Variants in ZSWIM4 observed in about 807,000 individuals in gnomAD.
The protein encoded by ZSWIM4 is zinc finger SWIM domain-containing protein 4.
ZSWIM4 carries 62 observed loss-of-function variants against 102.5 expected under a neutral mutation model. The ratio of observed to expected loss-of-function variants is 0.60; its 90% CI spans 0.49 to 0.75. The LOEUF (loss-of-function observed/expected upper bound fraction) is 0.75. ZSWIM4 is among the 30% of genes least tolerant of loss of function. The pLI is 0.00. For missense variants in ZSWIM4, 1,280 were observed against 1,529.6 expected, an observed-to-expected ratio of 0.84 and a Z score of 2.72; for synonymous variants, 652 against 674.5, an observed-to-expected ratio of 0.97 and a Z score of 0.52.
At chr19:13,808,049 A>C (rs763201356) in intron 3 of ZSWIM4, among the ~76,000 whole-genome samples, 1 of 152,094 alleles carries the variant, frequency 6.6e-6, no homozygotes, top group Non-Finnish European at 1.5e-5. Context: ...CAGGAGAGAG[A>C]GAGCGAAGGG....
In ZSWIM4 at chr19:13,825,825, C is replaced by G; in HGVS notation, c.2379+112C>G. 1 of 1,359,524 alleles carries G rather than the reference C, an allele frequency of 7.4e-7. No individual in the cohort carries two copies. The highest frequency in any genetic ancestry group is 1.4e-5 in the South Asian group (1 of 69,628). 84.2% of individuals were successfully genotyped at this position (1,359,524 alleles called of 1,614,324 possible). On this transcript the variant is annotated intron_variant, in intron 12 of 13. Coordinates refer to ENST00000590508, the MANE Select transcript of ZSWIM4 (RefSeq NM_001367834.3). This position sits in a 1 kb window ranked among gnomAD's most constrained non-coding sequence, Gnocchi z 4.6. Reference sequence around the variant, plus strand: ...AGTGTGAGCCACTTCGCTGGGGGCCCGGCATTTGCGTGAGCTATTCCTCTG... The same window carrying G: ...AGTGTGAGCCACTTCGCTGGGGGCCGGGCATTTGCGTGAGCTATTCCTCTG...
chr19:13,808,740 C>CAG, intron 3 of ZSWIM4, 96 bp from the exon 4 acceptor site: 1 of 834,242 alleles, frequency 1.2e-6, no homozygotes, highest in South Asian at 2.2e-5. Flanking sequence ...ACTCCGTCTC[C>CAG]AAAAAAAAAA....
At position 13,828,555 on chromosome 19, in the gene ZSWIM4, G is replaced by A. The variant is rs556299923; in HGVS notation, c.2380-90G>A. On this transcript the variant is annotated intron_variant, in intron 12 of 13. Transcript: ENST00000590508. ...TCATTGGATCAGCTTTAACCTCCAA[G>A]TGTTTCTGGGGTCCTCCATCTCCCA... 1.4e-5 allele frequency: 16 copies of A among 1,128,594 alleles called. No individual in the cohort carries two copies. The South Asian group carries it at 2.0e-4, about 14-fold the overall frequency. 69.9% of individuals were successfully genotyped at this position (1,128,594 alleles called of 1,614,324 possible). A position where few individuals can be genotyped will look rare whatever the true frequency, so the allele number is the denominator to read the frequency against.
chr19:13,798,386 A>G (rs1202105471), intron 1 of ZSWIM4, among the ~76,000 whole-genome samples: 1 of 152,124 alleles, frequency 6.6e-6, no homozygotes, highest in Admixed American at 6.6e-5. Flanking sequence ...GAGCTCAGGC[A>G]ATGCTGCCGC....
At chr19:13,817,644 C>T in intron 8 of ZSWIM4, 78 bp from the exon 9 acceptor site, 1 of 1,544,678 alleles carries the variant, frequency 6.5e-7, no homozygotes, top group East Asian at 2.3e-5. Context: ...GCCCAGGTCT[C>T]CATGCTTGAG....
chr19:13,822,032 G>C (rs7256290), intron 10 of ZSWIM4, among the ~76,000 whole-genome samples: 5 of 151,856 alleles, frequency 3.3e-5, no homozygotes, highest in African/African-American at 1.2e-4. Flanking sequence ...CACCACACCC[G>C]GCCTAGTTTA....
chr19:13,806,363 C>T (rs1469798430), intron 3 of ZSWIM4, among the ~76,000 whole-genome samples: 1 of 151,652 alleles, frequency 6.6e-6, no homozygotes, highest in African/African-American at 2.4e-5. Context: ...ATTAACAATG[C>T]CGTTAGGTGA....
chr19:13,826,252 G>A (rs1044659178), intron 12 of ZSWIM4, among the ~76,000 whole-genome samples: 4 of 152,070 alleles, frequency 2.6e-5, no homozygotes, highest in Non-Finnish European at 5.9e-5. Context: ...CGCAAGCGGA[G>A]CCTGGGGGTG....
rs112183484 is a variant in ZSWIM4, at chr19:13,828,822, G to A, written c.2461+96G>A. The A allele has an allele frequency of 7.2e-5, 88 of 1,221,588 alleles. 2 individuals are homozygous for A. Among genetic ancestry groups the A allele is most frequent in the African/African-American group, 6.0e-4 (41 of 67,918 alleles). The allele number at this position is 1,221,588 out of a possible 1,614,324, so 75.7% of individuals were successfully genotyped here. A position where few individuals can be genotyped will look rare whatever the true frequency, so the allele number is the denominator to read the frequency against. Reference sequence around the variant, plus strand: ...GGCAGACAAGAAAGAGAGAAGTGGCGGGGTGCGGTGGCTCACACCTGTAAT... The same window carrying A: ...GGCAGACAAGAAAGAGAGAAGTGGCAGGGTGCGGTGGCTCACACCTGTAAT... On this transcript the variant is annotated intron_variant, in intron 13 of 13. Coordinates refer to ENST00000590508, the MANE Select transcript of ZSWIM4 (RefSeq NM_001367834.3).
chr19:13,799,639 A>G, intron 1 of ZSWIM4, 81 bp from the exon 2 acceptor site: 3 of 1,419,092 alleles, frequency 2.1e-6, no homozygotes, highest in Non-Finnish European at 3.0e-6. Flanking sequence ...TCTTGGCCTC[A>G]AGCGATCCTC....
At position 13,819,524 on chromosome 19, in the gene ZSWIM4, G is replaced by A. The variant is rs568805490; in HGVS notation, c.2060+32G>A. On this transcript the variant is annotated intron_variant, in intron 10 of 13. Coordinates refer to ENST00000590508, the MANE Select transcript of ZSWIM4 (RefSeq NM_001367834.3). ...ATAGGTGGCCAAGGCAGTGGCAGGGGGAGCTGGGGGGAAGAGGGGCGGGCA... is the reference window on the plus strand; with the variant it reads ...ATAGGTGGCCAAGGCAGTGGCAGGGAGAGCTGGGGGGAAGAGGGGCGGGCA... 9.6e-6 allele frequency: 15 copies of A among 1,560,768 alleles called. No homozygotes were observed. In the South Asian group the frequency reaches 1.4e-4, roughly 15 times the overall value.
At position 13,830,909 on chromosome 19, in the gene ZSWIM4, C is replaced by T. The variant is rs760873096; in HGVS notation, c.3180C>T (p.Ile1060=). The T allele has an allele frequency of 3.1e-6, 5 of 1,614,236 alleles. No individual in the cohort carries two copies. The highest frequency in any genetic ancestry group is 2.7e-5 in the African/African-American group (2 of 75,068). The change falls in exon 14 of 14, where the codon ATC becomes ATT. Residue 1060 remains isoleucine (I), a synonymous_variant. Coordinates refer to ENST00000590508, the MANE Select transcript of ZSWIM4 (RefSeq NM_001367834.3). Reference sequence around the variant, plus strand: ...GCCCGCGGCACTATGGGGATTTCATCGAATTCCTGGGCAAGGCCCGGGAGA... The same window carrying T: ...GCCCGCGGCACTATGGGGATTTCATTGAATTCCTGGGCAAGGCCCGGGAGA... ...HISPRHYGDF[I]EFLGKARETF...
intron 2 of ZSWIM4, among the ~76,000 whole-genome samples, chr19:13,801,012 G>GGGTGCCTGTGGTCCCA (rs1306204721): frequency 6.6e-6 from 1 of 152,038 alleles, no homozygotes; most frequent in Non-Finnish European, 1.5e-5. Flanking sequence ...GCATGGTGGC[G>GGGTGCCTGTGGTCCCA]GGTGCCTGTG....
At chr19:13,812,952 T>C in intron 5 of ZSWIM4, 45 bp from the exon 6 acceptor site, 1 of 1,560,006 alleles carries the variant, frequency 6.4e-7, no homozygotes, top group Non-Finnish European at 8.7e-7. Flanking sequence ...TGTGTGTTGC[T>C]GCCACTGTTG....
rs558839857 is a variant in ZSWIM4 at position 13,807,430 on chromosome 19, G to T, written c.713-1406G>T. Reference sequence around the variant, plus strand: ...TAAACAGATGGGTCGGTGGTGTTTTGAGTGGGATGGGTAAATGGATGAGTG... The same window carrying T: ...TAAACAGATGGGTCGGTGGTGTTTTTAGTGGGATGGGTAAATGGATGAGTG... On this transcript the variant is annotated intron_variant, in intron 3 of 13. Transcript: ENST00000590508. 3.9e-5 allele frequency among the ~76,000 whole-genome samples: 6 copies of T among 152,186 alleles called. No homozygotes were observed. In the East Asian group the frequency reaches 1.2e-3, roughly 29 times the overall value.
rs1480038959 is a variant in ZSWIM4 at position 13,825,781 on chromosome 19, C to T, written c.2379+68C>T. ...GGGCCAGGACTGACTGTGAGCTGCG[C>T]CTCCCGGGGCATGGGCTGAGTGTGA... is the stretch of plus-strand genomic sequence containing the variant. On this transcript the variant is annotated intron_variant, in intron 12 of 13. Coordinates refer to ENST00000590508, the MANE Select transcript of ZSWIM4 (RefSeq NM_001367834.3). This position sits in a 1 kb window ranked among gnomAD's most constrained non-coding sequence, Gnocchi z 4.6. 1 of 1,524,712 alleles carries T rather than the reference C, an allele frequency of 6.6e-7. No individual in the cohort carries two copies. Among genetic ancestry groups the T allele is most frequent in the Non-Finnish European group, 8.8e-7 (1 of 1,138,646 alleles). The allele number at this position is 1,524,712 out of a possible 1,614,324, so 94.4% of individuals were successfully genotyped here. A position where few individuals can be genotyped will look rare whatever the true frequency, so the allele number is the denominator to read the frequency against.
Position 13,814,697 on chromosome 19 carries a change from G to A in ZSWIM4, c.1363G>A (p.Gly455Ser), listed in dbSNP as rs1206763198. Residue 455 changes from glycine (G) to serine (S), a missense_variant, in exon 7 of 14, where the codon GGC becomes AGC. Gly to Ser is a moderately conservative substitution (Grantham distance 56). Transcript: ENST00000590508. ...GGDKPTFDPQ[G>S]RPLWLGEPFP... is the part of the protein sequence containing the mutation. ...GGACAAACCGACTTTCGACCCCCAG[G>A]GCCGCCCACTGTGGCTGGGAGAACC... is the stretch of plus-strand genomic sequence containing the variant. 7.8e-7 allele frequency: 1 copy of A among 1,287,022 alleles called. No homozygotes were observed. Among genetic ancestry groups the A allele is most frequent in the Non-Finnish European group, 1.0e-6 (1 of 986,928 alleles). 79.7% of individuals were successfully genotyped at this position (1,287,022 alleles called of 1,614,324 possible).
intron 2 of ZSWIM4, among the ~76,000 whole-genome samples, chr19:13,802,264 C>T (rs1974792701): frequency 6.9e-6 from 1 of 144,400 alleles, no homozygotes; most frequent in South Asian, 2.2e-4. Context: ...GCATGAGCCA[C>T]CACGCCTGGC....
intron 7 of ZSWIM4, 147 bp from the exon 8 acceptor site, chr19:13,817,069 A>G: frequency 8.7e-7 from 1 of 1,155,678 alleles, no homozygotes; most frequent in South Asian, 1.7e-5. Flanking sequence ...CCCCACCTCA[A>G]AAAAAAAAGT....
Sources: allele counts gnomAD v4.1 joint callset (sites outside exome capture counted in the v4.1 genomes callset), GRCh38; gene constraint gnomAD v4.1.1; non-coding constraint Gnocchi (gnomAD v3.1); transcripts MANE v1.5; gene names NCBI Gene and HGNC (gene_info 2026-07-23, HGNC 2026-07-21).